NEMP2: variants seen among roughly 807,000 people sequenced by gnomAD.
NEMP2 encodes the protein nuclear envelope integral membrane protein 2.
A neutral mutation model predicts 54.2 loss-of-function variants in NEMP2; 53 were observed. The observed-to-expected ratio is 0.98, with a 90% confidence interval of 0.78 to 1.23. The LOEUF is 1.23. NEMP2 is among the 50% of genes most tolerant of loss of function. NEMP2 has a pLI of 0.00. For synonymous variants in NEMP2, 197 were observed against 190.3 expected (o/e 1.04, Z -0.29); for missense variants, 455 against 511.3 (o/e 0.89, Z 1.06).
the NEMP2 span, chr2:190,489,798 T>C: frequency 6.2e-7 from 1 of 1,614,200 alleles, no homozygotes; most frequent in Non-Finnish European, 8.5e-7. This position sits in a 1 kb window ranked among gnomAD's most constrained non-coding sequence, Gnocchi z 6.6. Context: ...GGAATTGGCA[T>C]GGCCTGCTTG....
rs900277552 is a variant in NEMP2, at chr2:190,530,838, C to T, written c.97+3721G>A. Reference sequence around the variant, plus strand: ...GTTAATTCTACTAGGATAGAACCTCCGGTAGCAGATGTAGGCAAACTCAAA... The same window carrying T: ...GTTAATTCTACTAGGATAGAACCTCTGGTAGCAGATGTAGGCAAACTCAAA... On this transcript the variant is annotated intron_variant, in intron 1 of 8. Transcript: ENST00000409150. The surrounding 1 kb of genome is among the most constrained non-coding windows in gnomAD (Gnocchi z 4.6). Among the ~76,000 whole-genome samples, 7 of 152,138 alleles carry T rather than the reference C, an allele frequency of 4.6e-5. No homozygotes were observed. Among genetic ancestry groups the T allele is most frequent in the Non-Finnish European group, 1.0e-4 (7 of 68,032 alleles).
the NEMP2 span, among the ~76,000 whole-genome samples, chr2:190,453,609 G>T: frequency 6.6e-6 from 1 of 152,296 alleles, no homozygotes; most frequent in East Asian, 1.9e-4. Context: ...TCTAACGTGG[G>T]CATAAAAATT....
chr2:190,463,051 G>A, the NEMP2 span, among the ~76,000 whole-genome samples: 1 of 151,738 alleles, frequency 6.6e-6, no homozygotes, highest in South Asian at 2.1e-4. This position sits in a 1 kb window ranked among gnomAD's most constrained non-coding sequence, Gnocchi z 4.4. Context: ...GCCATGGAGA[G>A]GACAAAAAAA....
At chr2:190,548,579 T>G in the NEMP2 span, among the ~76,000 whole-genome samples, 1 of 152,236 alleles carries the variant, frequency 6.6e-6, no homozygotes, top group Non-Finnish European at 1.5e-5. Flanking sequence ...CTGTATATAG[T>G]AAGTACTGAA....
chr2:190,513,780 A>G lies in NEMP2; in HGVS notation c.953+673T>C, dbSNP rs894146855. Reference sequence around the variant, plus strand: ...GGAAAGCTCTCCTGGCTTTCTCTATATACCCTTAGTTCCTGGGCAAGTCTC... The same window carrying G: ...GGAAAGCTCTCCTGGCTTTCTCTATGTACCCTTAGTTCCTGGGCAAGTCTC... On this transcript the variant is annotated intron_variant, in intron 7 of 8. Coordinates refer to ENST00000409150, the MANE Select transcript of NEMP2 (RefSeq NM_001142645.2). The surrounding 1 kb of genome is among the most constrained non-coding windows in gnomAD (Gnocchi z 5.3). Among the ~76,000 whole-genome samples, 1 of 152,212 alleles carries G rather than the reference A, an allele frequency of 6.6e-6. No homozygotes were observed. The highest frequency in any genetic ancestry group is 1.5e-5 in the Non-Finnish European group (1 of 68,032).
chr2:190,422,574 C>T, the NEMP2 span, among the ~76,000 whole-genome samples: 1 of 152,240 alleles, frequency 6.6e-6, no homozygotes, highest in East Asian at 1.9e-4. Context: ...ATATCTGAAG[C>T]CATTCTCATT....
the NEMP2 span, chr2:190,465,017 T>C: frequency 1.6e-6 from 1 of 623,670 alleles, no homozygotes; most frequent in Non-Finnish European, 2.0e-6. The surrounding 1 kb of genome is among the most constrained non-coding windows in gnomAD (Gnocchi z 4.6). Flanking sequence ...TCATAATTCA[T>C]TGTATCTATA....
chr2:190,437,073 C>T, the NEMP2 span: 4 of 1,614,256 alleles, frequency 2.5e-6, no homozygotes, highest in East Asian at 2.2e-5. This position sits in a 1 kb window ranked among gnomAD's most constrained non-coding sequence, Gnocchi z 5.9. Context: ...GGATCGACTA[C>T]ACCCACATCG....
At chr2:190,597,683 G>A in the NEMP2 span, among the ~76,000 whole-genome samples, 61 of 152,092 alleles carry the variant, frequency 4.0e-4, no homozygotes, top group Non-Finnish European at 6.5e-4. The surrounding 1 kb of genome is among the most constrained non-coding windows in gnomAD (Gnocchi z 4.7). Flanking sequence ...CTAAGGCACA[G>A]CCACAGTTCT....
the NEMP2 span, among the ~76,000 whole-genome samples, chr2:190,441,607 A>G: frequency 2.6e-5 from 4 of 152,048 alleles, no homozygotes; most frequent in Non-Finnish European, 4.4e-5. Flanking sequence ...ACTTATGTAC[A>G]TGTGCTGGTC....
At chr2:190,453,039 T>C in the NEMP2 span, among the ~76,000 whole-genome samples, 1 of 152,130 alleles carries the variant, frequency 6.6e-6, no homozygotes, top group Admixed American at 6.6e-5. Flanking sequence ...CATATTCCTG[T>C]GTCATGGAGC....
the NEMP2 span, among the ~76,000 whole-genome samples, chr2:190,492,652 A>G: frequency 8.9e-4 from 136 of 152,326 alleles, no homozygotes; most frequent in African/African-American, 3.1e-3. This position sits in a 1 kb window ranked among gnomAD's most constrained non-coding sequence, Gnocchi z 5.2. Flanking sequence ...GGCAATGCTA[A>G]CAAAACAAAA....
the NEMP2 span, among the ~76,000 whole-genome samples, chr2:190,587,026 G>A: frequency 1.3e-5 from 2 of 151,942 alleles, no homozygotes; most frequent in African/African-American, 2.4e-5. The surrounding 1 kb of genome is among the most constrained non-coding windows in gnomAD (Gnocchi z 5.4). Context: ...CATGTACATC[G>A]TACACACAAT....
chr2:190,617,744 A>G, the NEMP2 span, among the ~76,000 whole-genome samples: 1 of 152,204 alleles, frequency 6.6e-6, no homozygotes, highest in Admixed American at 6.5e-5. The surrounding 1 kb of genome is among the most constrained non-coding windows in gnomAD (Gnocchi z 5.0). Context: ...ACAAGTTTTG[A>G]TATTCCCTTT....
the NEMP2 span, among the ~76,000 whole-genome samples, chr2:190,423,809 C>T: frequency 5.9e-5 from 9 of 151,988 alleles, no homozygotes; most frequent in Non-Finnish European, 5.9e-5. This position sits in a 1 kb window ranked among gnomAD's most constrained non-coding sequence, Gnocchi z 4.3. Context: ...CAGTGTTATC[C>T]CTATTTTTAT....
the NEMP2 span, among the ~76,000 whole-genome samples, chr2:190,565,627 G>A: frequency 1.5e-4 from 23 of 152,246 alleles, no homozygotes; most frequent in African/African-American, 5.5e-4. Context: ...AGCTAGACTG[G>A]CTTTTCAGAG....
the NEMP2 span, chr2:190,497,984 A>G: frequency 2.5e-4 from 77 of 312,826 alleles, no homozygotes; most frequent in South Asian, 1.5e-4. This position sits in a 1 kb window ranked among gnomAD's most constrained non-coding sequence, Gnocchi z 5.2. Context: ...AATAAAATAA[A>G]TTAATCCATT....
the NEMP2 span, among the ~76,000 whole-genome samples, chr2:190,466,513 TGG>T: frequency 6.6e-6 from 1 of 152,260 alleles, no homozygotes. Context: ...TTTGGAATTC[TGG>T]GATAAAAGTT....
the NEMP2 span, among the ~76,000 whole-genome samples, chr2:190,468,807 A>G: frequency 0.88 from 133,742 of 152,064 alleles, 59,619 homozygotes; most frequent in East Asian, 1. Flanking sequence ...ACCACTGATT[A>G]TCGTGTTGGT....
Sources: gnomAD v4.1 joint callset for allele counts (sites outside exome capture counted in the v4.1 genomes callset) on GRCh38, gnomAD v4.1.1 for gene constraint, Gnocchi (gnomAD v3.1) non-coding constraint, MANE v1.5 for transcripts, NCBI Gene and HGNC (gene_info 2026-07-23, HGNC 2026-07-21) for gene names.